The following AFF1 variants were observed in gnomAD, a reference collection of about 807,000 sequenced individuals.
AFF1 encodes ALF transcription elongation factor 1.
Under a neutral mutation model 121.7 loss-of-function variants are expected in AFF1, and 48 were observed. That is an observed-to-expected ratio of 0.39 (90% confidence interval 0.31 to 0.50). The LOEUF is 0.50. Ranked by LOEUF, AFF1 falls within the 20% of genes least tolerant of loss-of-function variation. The pLI is 0.76. For synonymous variants in AFF1, 613 were observed against 563.0 expected (o/e 1.09, Z -1.26); for missense variants, 1,523 against 1,511.7 (o/e 1.01, Z -0.12).
At chr4:87,073,959 G>C (rs1722394212) in intron 4 of AFF1, among the ~76,000 whole-genome samples, 1 of 151,920 alleles carries the variant, frequency 6.6e-6, no homozygotes, top group Non-Finnish European at 1.5e-5. Flanking sequence ...AGACAGAGTA[G>C]AGTGCTCGTG....
In AFF1 at chr4:87,086,645, G is replaced by A. The variant is rs547678142; in HGVS notation, c.1104+2481G>A. 9.2e-5 allele frequency among the ~76,000 whole-genome samples: 14 copies of A among 152,224 alleles called. No individual in the cohort carries two copies. The South Asian group carries it at 2.9e-3, about 32-fold the overall frequency. On this transcript the variant is annotated intron_variant, in intron 5 of 20. Coordinates refer to ENST00000395146, the MANE Select transcript of AFF1 (RefSeq NM_001166693.3). Reference sequence around the variant, plus strand: ...TCAGTTAAGTTATAGGTCGCTGCTGGGCTTTGGTTTCCTCATTGGTAAAAT... The same window carrying A: ...TCAGTTAAGTTATAGGTCGCTGCTGAGCTTTGGTTTCCTCATTGGTAAAAT...
chr4:87,046,839 A>G lies in AFF1; in HGVS notation c.304A>G (p.Ile102Val). The G allele has an allele frequency of 6.2e-7, 1 of 1,614,196 alleles. No individual in the cohort carries two copies. The highest frequency in any genetic ancestry group is 8.5e-7 in the Non-Finnish European group (1 of 1,180,042). Residue 102 changes from isoleucine to valine, a missense_variant, in exon 4 of 21, where the codon ATT becomes GTT. Ile to Val is a conservative substitution (Grantham distance 29). Coordinates refer to ENST00000395146, the MANE Select transcript of AFF1 (RefSeq NM_001166693.3). ...GTTGGGAAAGCCGAAATATCCTTTA[A>G]TTCCTGACAAAGGGAGCAGCATTCC... ...NRLGKPKYPL[I>V]PDKGSSIPSS...
chr4:87,022,574 ATATATATATCTATC>A (rs1381819320), intron 2 of AFF1, among the ~76,000 whole-genome samples: 1 of 82,972 alleles, frequency 1.2e-5, no homozygotes. Context: ...ATATATATAT[ATATATATATCTATC>A]TATATCTATC....
intron 2 of AFF1, among the ~76,000 whole-genome samples, chr4:86,950,642 C>CCT (rs1721241255): frequency 6.6e-6 from 1 of 152,162 alleles, no homozygotes; most frequent in Non-Finnish European, 1.5e-5. Flanking sequence ...ACTTCTCCCC[C>CCT]TTTCTGGTTC....
At chr4:87,079,398 A>C (rs1308856099) in intron 4 of AFF1, among the ~76,000 whole-genome samples, 1 of 152,230 alleles carries the variant, frequency 6.6e-6, no homozygotes, top group Non-Finnish European at 1.5e-5. Context: ...AGGAGTGAGA[A>C]ATCAGGCCAC....
intron 2 of AFF1, among the ~76,000 whole-genome samples, chr4:86,997,533 C>CTG (rs1283016889): frequency 2.6e-5 from 4 of 151,604 alleles, no homozygotes; most frequent in African/African-American, 9.7e-5. Flanking sequence ...GAGGCCGAGG[C>CTG]AGGTGGATCA....
chr4:86,984,772 T>TA (rs1724076853), intron 2 of AFF1, among the ~76,000 whole-genome samples: 1 of 152,032 alleles, frequency 6.6e-6, no homozygotes, highest in Non-Finnish European at 1.5e-5. Flanking sequence ...CTTGTCTATA[T>TA]AAAAAATTTT....
chr4:87,131,766 C>A, intron 17 of AFF1, 27 bp from the exon 18 acceptor site: 1 of 1,538,432 alleles, frequency 6.5e-7, no homozygotes, highest in South Asian at 1.2e-5. Context: ...TGTTTAAAAC[C>A]TGATGTACTT....
chr4:87,110,020 A>G (rs1726301565), intron 11 of AFF1, among the ~76,000 whole-genome samples: 1 of 152,182 alleles, frequency 6.6e-6, no homozygotes, highest in Non-Finnish European at 1.5e-5. Context: ...AAATACCTGC[A>G]TTATTATAAA....
chr4:87,063,228 CTTTTTTTTTTTT>C (rs569577993), intron 4 of AFF1, among the ~76,000 whole-genome samples: 12 of 44,402 alleles, frequency 2.7e-4, no homozygotes, highest in African/African-American at 7.9e-4. Flanking sequence ...AGATTCACCT[CTTTTTTTTTTTT>C]TTTTTTTTTT....
chr4:87,055,208 T>C (rs927256466), intron 4 of AFF1, among the ~76,000 whole-genome samples: 76 of 152,304 alleles, frequency 5.0e-4, no homozygotes, highest in Non-Finnish European at 9.0e-4. Flanking sequence ...GGCAATCTTA[T>C]GAAGAAACAC....
intron 8 of AFF1, among the ~76,000 whole-genome samples, chr4:87,100,924 T>C (rs1725370968): frequency 6.6e-6 from 1 of 152,228 alleles, no homozygotes; most frequent in Non-Finnish European, 1.5e-5. Flanking sequence ...AATCTTCACT[T>C]CGTCCATGGA....
In AFF1 at chr4:87,047,162, C is replaced by A; in HGVS notation, c.627C>A (p.Ile209=). 1 of 1,614,220 alleles carries A rather than the reference C, an allele frequency of 6.2e-7. No homozygotes were observed. The highest frequency in any genetic ancestry group is 1.1e-5 in the South Asian group (1 of 91,088). Residue 209 remains isoleucine (I), a synonymous_variant, in exon 4 of 21, where the codon ATC becomes ATA. Coordinates refer to ENST00000395146, the MANE Select transcript of AFF1 (RefSeq NM_001166693.3). ...CAGAGAGGGAGCTTTCTCCCTTAAT[C>A]TCTTTGCCTTCCCCAGTTCCCCCTT... ...SAPERELSPL[I]SLPSPVPPLS... is the part of the protein sequence containing the mutation.
In AFF1 at chr4:87,139,783, A is replaced by G. The variant is rs1252298606; in HGVS notation, c.*4082A>G. Reference sequence around the variant, plus strand: ...TTGGGGGTTTTCCTTCAAACACTGCAAGTGATATTGCCACCATGTGAACCT... The same window carrying G: ...TTGGGGGTTTTCCTTCAAACACTGCGAGTGATATTGCCACCATGTGAACCT... On this transcript the variant is annotated 3_prime_UTR_variant, in exon 21 of 21. Coordinates refer to ENST00000395146, the MANE Select transcript of AFF1 (RefSeq NM_001166693.3). The G allele has an allele frequency of 1.3e-5, 3 of 225,388 alleles. No homozygotes were observed. Among genetic ancestry groups the G allele is most frequent in the Non-Finnish European group, 2.6e-5 (3 of 113,708 alleles). The allele number at this position is 225,388 out of a possible 1,614,324, so 14.0% of individuals were successfully genotyped here.
intron 2 of AFF1, among the ~76,000 whole-genome samples, chr4:86,986,381 T>G (rs1026031930): frequency 1.3e-5 from 2 of 152,120 alleles, no homozygotes; most frequent in South Asian, 2.1e-4. Context: ...CTGAATCCAT[T>G]ATTTAAAGTT....
chr4:87,005,661 A>G (rs940486130), intron 2 of AFF1, among the ~76,000 whole-genome samples: 1 of 152,244 alleles, frequency 6.6e-6, no homozygotes, highest in Non-Finnish European at 1.5e-5. Context: ...CAGCCATTGT[A>G]CTTAAGTGTG....
At position 87,137,576 on chromosome 4, in the gene AFF1, G is replaced by T. The variant is rs932784252; in HGVS notation, c.*1875G>T. On this transcript the variant is annotated 3_prime_UTR_variant, in exon 21 of 21. Transcript: ENST00000395146. ...ATATCTGAGCATAAGACCTTGATGT[G>T]TGATTCCTGATGACCGGTTTCATTT... The T allele has an allele frequency of 4.3e-6, 1 of 230,950 alleles. No homozygotes were observed. Among genetic ancestry groups the T allele is most frequent in the East Asian group, 6.1e-5 (1 of 16,264 alleles). 14.3% of individuals were successfully genotyped at this position (230,950 alleles called of 1,614,324 possible).
At chr4:87,007,307 C>T (rs1386132810) in intron 2 of AFF1, 59 of 1,585,698 alleles carry the variant, frequency 3.7e-5, no homozygotes, top group Non-Finnish European at 5.0e-5. Flanking sequence ...CGGGACGCGT[C>T]CCCGCCCGGC....
intron 2 of AFF1, chr4:86,949,534 ATTATTTT>A (rs1721125082): frequency 1.2e-5 from 4 of 347,418 alleles, no homozygotes; most frequent in African/African-American, 9.5e-5. Context: ...TATTATTATT[ATTATTTT>A]TTTTTTTTTT....
Sources: gnomAD v4.1 joint callset for allele counts (sites outside exome capture counted in the v4.1 genomes callset) on GRCh38, gnomAD v4.1.1 for gene constraint, MANE v1.5 for transcripts, NCBI Gene and HGNC (gene_info 2026-07-23, HGNC 2026-07-21) for gene names.